Variants in LANCL2 observed in about 807,000 individuals in gnomAD.
The protein encoded by LANCL2 is lanC-like protein 2.
LANCL2 carries 33 observed loss-of-function variants against 56.9 expected under a neutral mutation model. That is an observed-to-expected ratio of 0.58 (90% CI 0.44 to 0.78). LANCL2 has a LOEUF of 0.78. Ranked by LOEUF, LANCL2 falls within the 30% of genes least tolerant of loss-of-function variation. The probability of loss-of-function intolerance (pLI) is 0.00; values close to 1 mark genes in which losing one functional copy is unlikely to be tolerated. For missense variants in LANCL2, 562 were observed against 580.2 expected (o/e 0.97, Z 0.32); for synonymous variants, 233 against 228.2 (o/e 1.02, Z -0.19).
chr7:55,378,032 C>T (rs1159742141), intron 1 of LANCL2, among the ~76,000 whole-genome samples: 1 of 152,192 alleles, frequency 6.6e-6, no homozygotes, highest in Non-Finnish European at 1.5e-5. Flanking sequence ...CTTTATCTCT[C>T]AATTGTCATA....
At chr7:55,370,071 C>G (rs907601198) in intron 1 of LANCL2, among the ~76,000 whole-genome samples, 2 of 152,200 alleles carry the variant, frequency 1.3e-5, no homozygotes, top group Non-Finnish European at 2.9e-5. Context: ...AAGCTGCACT[C>G]AAGCTCTGAA....
At chr7:55,376,731 GT>G (rs1375344481) in intron 1 of LANCL2, among the ~76,000 whole-genome samples, 2 of 152,196 alleles carry the variant, frequency 1.3e-5, no homozygotes, top group African/African-American at 4.8e-5. Context: ...GATATTGCTA[GT>G]CAGGCATTTA....
chr7:55,405,346 G>GA (rs1790393051), intron 5 of LANCL2, among the ~76,000 whole-genome samples: 1 of 152,168 alleles, frequency 6.6e-6, no homozygotes, highest in Non-Finnish European at 1.5e-5. Flanking sequence ...CTGCCTGACT[G>GA]AGTCCACACC....
chr7:55,392,177 C>T (rs2128992878), intron 2 of LANCL2, among the ~76,000 whole-genome samples: 1 of 152,126 alleles, frequency 6.6e-6, no homozygotes, highest in Non-Finnish European at 1.5e-5. Context: ...CCTGTAATCC[C>T]AGCTACTTGG....
chr7:55,402,211 C>T (rs1275960541), intron 5 of LANCL2, among the ~76,000 whole-genome samples: 6 of 147,666 alleles, frequency 4.1e-5, no homozygotes, highest in Non-Finnish European at 7.5e-5. Context: ...CAGAGGCGCC[C>T]CTCACCTCCC....
chr7:55,399,819 A>T, intron 3 of LANCL2, 138 bp from the exon 4 acceptor site: 12 of 606,406 alleles, frequency 2.0e-5, no homozygotes, highest in South Asian at 7.2e-5. Flanking sequence ...TGTGTTCTGG[A>T]TTTGGGAGTA....
intron 2 of LANCL2, among the ~76,000 whole-genome samples, chr7:55,397,833 C>T (rs190311764): frequency 1.9e-4 from 29 of 151,992 alleles, no homozygotes; most frequent in Admixed American, 3.9e-4. Context: ...GAACCACACA[C>T]GCCCTTTGTA....
At chr7:55,370,683 C>T (rs1229356851) in intron 1 of LANCL2, among the ~76,000 whole-genome samples, 3 of 152,182 alleles carry the variant, frequency 2.0e-5, no homozygotes, top group African/African-American at 2.4e-5. Context: ...ATGATACTTT[C>T]ATGGTCCTTG....
At chr7:55,407,406 G>A (rs1363031785) in intron 5 of LANCL2, among the ~76,000 whole-genome samples, 2 of 152,170 alleles carry the variant, frequency 1.3e-5, no homozygotes, top group Non-Finnish European at 2.9e-5. Flanking sequence ...AAGTAGCTCA[G>A]ATAAAAGTTT....
chr7:55,391,288 G>A (rs886558009), intron 1 of LANCL2, among the ~76,000 whole-genome samples: 4 of 152,108 alleles, frequency 2.6e-5, no homozygotes, highest in East Asian at 3.8e-4. Context: ...AAAGTGCTGG[G>A]ATTACAGGCG....
At chr7:55,377,738 A>G (rs564287064) in intron 1 of LANCL2, among the ~76,000 whole-genome samples, 1 of 152,348 alleles carries the variant, frequency 6.6e-6, no homozygotes, top group South Asian at 2.1e-4. Flanking sequence ...CCTACTCACC[A>G]TGTAGGAAAA....
rs1388271019 is a variant in LANCL2 at position 55,403,362 on chromosome 7, A to C, written c.825+2042A>C. On this transcript the variant is annotated intron_variant, in intron 5 of 8. Transcript: ENST00000254770. Reference sequence around the variant, plus strand: ...GCAGGCTGAGGCAGGAGAATCAGGCAGGGAGGTTGCAGTGAGCCGAGATGG... The same window carrying C: ...GCAGGCTGAGGCAGGAGAATCAGGCCGGGAGGTTGCAGTGAGCCGAGATGG... 8.5e-5 allele frequency among the ~76,000 whole-genome samples: 13 copies of C among 152,126 alleles called. No homozygotes were observed. In the East Asian group the frequency reaches 2.1e-3, roughly 25 times the overall value.
At chr7:55,429,090 A>T (rs1349349353) in intron 8 of LANCL2, among the ~76,000 whole-genome samples, 1 of 152,188 alleles carries the variant, frequency 6.6e-6, no homozygotes, top group African/African-American at 2.4e-5. Flanking sequence ...AGGTTTTTGC[A>T]TCTCTATTCA....
At chr7:55,367,756 A>G (rs1223304215) in intron 1 of LANCL2, among the ~76,000 whole-genome samples, 1 of 152,150 alleles carries the variant, frequency 6.6e-6, no homozygotes, top group African/African-American at 2.4e-5. Flanking sequence ...CTGTGGGAAC[A>G]AGTCCTAACT....
intron 2 of LANCL2, among the ~76,000 whole-genome samples, chr7:55,392,843 C>T (rs79687312): frequency 6.6e-6 from 1 of 151,786 alleles, no homozygotes; most frequent in African/African-American, 2.4e-5. Context: ...GCAAACTTTC[C>T]CTAGGGTCAG....
chr7:55,396,589 G>T (rs1213954919), intron 2 of LANCL2, among the ~76,000 whole-genome samples: 6 of 152,238 alleles, frequency 3.9e-5, no homozygotes, highest in Non-Finnish European at 8.8e-5. Flanking sequence ...GGTTGAGCCT[G>T]CTCACAGGCG....
At chr7:55,369,023 A>G (rs1391561580) in intron 1 of LANCL2, among the ~76,000 whole-genome samples, 2 of 152,114 alleles carry the variant, frequency 1.3e-5, no homozygotes, top group Non-Finnish European at 2.9e-5. Flanking sequence ...ACATAGGGAG[A>G]AAGAAGATGG....
intron 6 of LANCL2, among the ~76,000 whole-genome samples, chr7:55,416,399 C>T (rs1790539942): frequency 6.6e-6 from 1 of 152,110 alleles, no homozygotes; most frequent in Non-Finnish European, 1.5e-5. Context: ...GATCCTCCCA[C>T]TTCAACCTTC....
intron 5 of LANCL2, among the ~76,000 whole-genome samples, chr7:55,405,613 G>A (rs1414062386): frequency 1.3e-5 from 2 of 149,976 alleles, no homozygotes; most frequent in African/African-American, 4.9e-5. Context: ...GCAGCCCCAC[G>A]AGTGTGCTGG....
Sources: gnomAD v4.1 joint callset for allele counts (sites outside exome capture counted in the v4.1 genomes callset) on GRCh38, gnomAD v4.1.1 for gene constraint, MANE v1.5 for transcripts, NCBI Gene and HGNC (gene_info 2026-07-23, HGNC 2026-07-21) for gene names.